Variants in NBEA observed in about 807,000 individuals in gnomAD.
The protein encoded by NBEA is lysosomal-trafficking regulator 2.
Under a neutral mutation model 343.4 loss-of-function variants are expected in NBEA, and 44 were observed. The ratio of observed to expected loss-of-function variants is 0.13; its 90% CI spans 0.10 to 0.16. The LOEUF is 0.16. Ranked by LOEUF, NBEA falls within the 10% of genes least tolerant of loss-of-function variation. The probability of loss-of-function intolerance (pLI) is 1.00; values close to 1 mark genes in which losing one functional copy is unlikely to be tolerated. For missense variants in NBEA, 2,555 were observed against 3,631.3 expected (o/e 0.70, Z 7.62); for synonymous variants, 1,175 against 1,238.7 (o/e 0.95, Z 1.08).
chr13:35,355,917 C>CT (rs2040467742), intron 38 of NBEA, among the ~76,000 whole-genome samples: 1 of 151,494 alleles, frequency 6.6e-6, no homozygotes, highest in Non-Finnish European at 1.5e-5. Flanking sequence ...ACATCTATTA[C>CT]TTTGATACTA....
intron 46 of NBEA, among the ~76,000 whole-genome samples, chr13:35,586,754 G>T (rs979952138): frequency 2.0e-5 from 3 of 152,232 alleles, no homozygotes; most frequent in African/African-American, 7.2e-5. Flanking sequence ...TCAGAACAGA[G>T]CATCTTTAGT....
At chr13:34,984,354 T>C (rs1238137244) in intron 1 of NBEA, among the ~76,000 whole-genome samples, 6 of 152,156 alleles carry the variant, frequency 3.9e-5, no homozygotes, top group African/African-American at 1.4e-4. Flanking sequence ...CAGATGGTTG[T>C]AGATGTGTGG....
chr13:35,008,324 C>G (rs1013508852), intron 1 of NBEA, among the ~76,000 whole-genome samples: 2 of 152,194 alleles, frequency 1.3e-5, no homozygotes, highest in Non-Finnish European at 2.9e-5. Flanking sequence ...TCTACGGATG[C>G]TCTAATCCCT....
At chr13:35,560,114 C>G (rs1376750018) in intron 44 of NBEA, among the ~76,000 whole-genome samples, 1 of 143,706 alleles carries the variant, frequency 7.0e-6, no homozygotes, top group Non-Finnish European at 1.6e-5. Flanking sequence ...TTCTTATCCC[C>G]ATTTTACAGA....
Position 35,539,072 on chromosome 13 carries a change from A to T in NBEA, c.6586-11405A>T, listed in dbSNP as rs1275713830. Among the ~76,000 whole-genome samples the T allele has an allele frequency of 3.3e-5, 5 of 152,246 alleles. No homozygotes were observed. The South Asian group carries it at 6.2e-4, about 19-fold the overall frequency. On this transcript the variant is annotated intron_variant, in intron 41 of 58. Coordinates refer to ENST00000379939, the MANE Select transcript of NBEA (RefSeq NM_001385012.1). ...TTATTAAATAAAAATCAAGAAAAGT[A>T]TTCATAATTCATTAGTGTGTTAAAT...
intron 30 of NBEA, among the ~76,000 whole-genome samples, chr13:35,195,395 TG>T (rs1317756520): frequency 1.3e-5 from 2 of 151,436 alleles, no homozygotes; most frequent in African/African-American, 4.9e-5. Context: ...GATATCTTTT[TG>T]TTTTTTTTTT....
At chr13:34,975,591 A>G (rs1566110859) in intron 1 of NBEA, among the ~76,000 whole-genome samples, 1 of 152,196 alleles carries the variant, frequency 6.6e-6, no homozygotes. Flanking sequence ...ATGGGACTTA[A>G]TTAAACTAAA....
At chr13:35,078,189 C>G (rs934159922) in intron 10 of NBEA, among the ~76,000 whole-genome samples, 4 of 152,066 alleles carry the variant, frequency 2.6e-5, no homozygotes, top group Admixed American at 6.6e-5. Flanking sequence ...TACCAAATGA[C>G]CCATTATTTG....
At chr13:35,155,444 T>C in intron 18 of NBEA, among the ~76,000 whole-genome samples, 1 of 151,978 alleles carries the variant, frequency 6.6e-6, no homozygotes, top group Admixed American at 6.6e-5. Context: ...ATCAATATGG[T>C]GAAACCCTGT....
At chr13:35,383,629 G>A (rs1372367705) in intron 38 of NBEA, among the ~76,000 whole-genome samples, 2 of 152,056 alleles carry the variant, frequency 1.3e-5, no homozygotes, top group East Asian at 1.9e-4. Flanking sequence ...ACTGGTCCTC[G>A]TGCAGGCATC....
rs2062808964 is a variant in NBEA, at chr13:35,045,296, G to A, written c.628-10G>A. ...TACAATGACATTTCTTTCTTTTATT[G>A]TTTCCCCAGCCAAGACATGCAGTAA... On this transcript the variant is annotated splice_polypyrimidine_tract_variant and intron_variant, in intron 3 of 58. Transcript: ENST00000379939. The A allele has an allele frequency of 6.3e-7, 1 of 1,594,120 alleles. No homozygotes were observed. Among genetic ancestry groups the A allele is most frequent in the East Asian group, 2.2e-5 (1 of 44,548 alleles).
intron 8 of NBEA, among the ~76,000 whole-genome samples, chr13:35,059,331 GGTACA>G (rs1367301063): frequency 1.3e-5 from 2 of 151,702 alleles, no homozygotes; most frequent in African/African-American, 4.8e-5. Flanking sequence ...TGAGGAAGTA[GGTACA>G]GTAGTGAGTA....
chr13:35,601,089 A>AT (rs2082022844), intron 47 of NBEA, among the ~76,000 whole-genome samples: 1 of 152,102 alleles, frequency 6.6e-6, no homozygotes, highest in Admixed American at 6.6e-5. Context: ...AGGCTCAAGA[A>AT]TCGCTTGAAC....
At chr13:35,461,732 C>T (rs540708354) in intron 40 of NBEA, among the ~76,000 whole-genome samples, 1 of 152,278 alleles carries the variant, frequency 6.6e-6, no homozygotes, top group African/African-American at 2.4e-5. Flanking sequence ...CTTACTCAAA[C>T]ATAAAGTTAA....
At chr13:35,235,092 G>A (rs555846505) in intron 34 of NBEA, among the ~76,000 whole-genome samples, 2 of 152,166 alleles carry the variant, frequency 1.3e-5, no homozygotes, top group African/African-American at 4.8e-5. Context: ...TTCCAAAGTA[G>A]CCTAAATATT....
intron 1 of NBEA, among the ~76,000 whole-genome samples, chr13:34,984,585 T>A (rs2060481225): frequency 6.6e-6 from 1 of 151,190 alleles, no homozygotes; most frequent in Admixed American, 6.6e-5. Flanking sequence ...GTGAAGAAAG[T>A]CACTGATAGC....
intron 8 of NBEA, among the ~76,000 whole-genome samples, chr13:35,066,722 C>T (rs1236880781): frequency 2.0e-5 from 3 of 151,854 alleles, no homozygotes; most frequent in Admixed American, 2.0e-4. Context: ...ATTATCCAGT[C>T]TGACAATCTC....
intron 37 of NBEA, among the ~76,000 whole-genome samples, chr13:35,351,266 A>G (rs901832552): frequency 6.6e-6 from 1 of 151,904 alleles, no homozygotes; most frequent in South Asian, 2.1e-4. Context: ...TTTTCTTCCT[A>G]GTTATATTAC....
chr13:35,365,452 A>T (rs1481700792), intron 38 of NBEA, among the ~76,000 whole-genome samples: 3 of 151,708 alleles, frequency 2.0e-5, no homozygotes, highest in African/African-American at 4.8e-5. Flanking sequence ...AGTTAAAGTG[A>T]GGCTATCACA....
Sources: gnomAD v4.1 joint callset for allele counts (sites outside exome capture counted in the v4.1 genomes callset) on GRCh38, gnomAD v4.1.1 for gene constraint, MANE v1.5 for transcripts, NCBI Gene and HGNC (gene_info 2026-07-23, HGNC 2026-07-21) for gene names.